Variants in ABI3BP observed in about 807,000 individuals in gnomAD.
ABI3BP encodes the protein ABI family member 3 binding protein.
ABI3BP carries 216 observed loss-of-function variants against 268.6 expected under a neutral mutation model. That is an observed-to-expected ratio of 0.80 (90% CI 0.72 to 0.90). The LOEUF is 0.90. Among genes scored for constraint, ABI3BP ranks in the 40% least tolerant of loss-of-function variants. The pLI, the probability that ABI3BP is intolerant of heterozygous loss-of-function variation, is 0.00. For synonymous variants in ABI3BP, 730 were observed against 730.0 expected (o/e 1.00, Z 0.00); for missense variants, 2,090 against 2,182.4 (o/e 0.96, Z 0.84).
intron 61 of ABI3BP, among the ~76,000 whole-genome samples, chr3:100,773,205 A>T (rs540407549): frequency 6.6e-6 from 1 of 152,310 alleles, no homozygotes; most frequent in East Asian, 1.9e-4. Context: ...ACACACTGGG[A>T]AAAAATATTT....
intron 1 of ABI3BP, among the ~76,000 whole-genome samples, chr3:100,987,673 A>G (rs1376996724): frequency 6.6e-6 from 1 of 152,222 alleles, no homozygotes; most frequent in Non-Finnish European, 1.5e-5. Context: ...TTAACAGTCA[A>G]TTAAAGATTA....
chr3:100,869,459 C>T (rs1165211953), intron 9 of ABI3BP, among the ~76,000 whole-genome samples: 1 of 150,002 alleles, frequency 6.7e-6, no homozygotes, highest in Non-Finnish European at 1.5e-5. Context: ...AAACAATTCT[C>T]CTGCTTCTGC....
chr3:100,912,043 G>A, intron 2 of ABI3BP: 1 of 744,886 alleles, frequency 1.3e-6, no homozygotes, highest in Non-Finnish European at 2.5e-6. Flanking sequence ...ATCCATTTGG[G>A]AATCAGTAAT....
At chr3:100,806,130 A>T (rs1302961429) in intron 50 of ABI3BP, among the ~76,000 whole-genome samples, 1 of 152,122 alleles carries the variant, frequency 6.6e-6, no homozygotes, top group Non-Finnish European at 1.5e-5. Flanking sequence ...TGAATGCCAA[A>T]CATAGATTTA....
At position 100,830,749 on chromosome 3, in the gene ABI3BP, T is replaced by C. The variant is rs554095439; in HGVS notation, c.2402-115A>G. The C allele has an allele frequency of 5.2e-6, 4 of 773,926 alleles. No individual in the cohort carries two copies. The East Asian group carries it at 1.1e-4, about 21-fold the overall frequency. 47.9% of individuals were successfully genotyped at this position (773,926 alleles called of 1,614,324 possible). A position where few individuals can be genotyped will look rare whatever the true frequency, so the allele number is the denominator to read the frequency against. On this transcript the variant is annotated intron_variant, in intron 31 of 67. Coordinates refer to ENST00000471714, the MANE Select transcript of ABI3BP (RefSeq NM_001375547.2). ...AAGGCTGCAAAATTAATTCTTAATA[T>C]CATAACTCAAAAGAAAGTGGCTGTA...
chr3:100,975,405 G>T (rs924584983), intron 1 of ABI3BP, among the ~76,000 whole-genome samples: 1 of 152,094 alleles, frequency 6.6e-6, no homozygotes, highest in Non-Finnish European at 1.5e-5. Flanking sequence ...TAGCTGCCTT[G>T]GGGGAGATGG....
chr3:100,935,579 T>C (rs1456808782), intron 1 of ABI3BP, among the ~76,000 whole-genome samples: 1 of 152,148 alleles, frequency 6.6e-6, no homozygotes, highest in Admixed American at 6.6e-5. Context: ...AGTATGGCCA[T>C]TTTCACGATA....
chr3:100,836,810 C>A (rs534234585), intron 27 of ABI3BP, among the ~76,000 whole-genome samples: 1 of 152,148 alleles, frequency 6.6e-6, no homozygotes, highest in East Asian at 1.9e-4. Flanking sequence ...ATAAATTGTA[C>A]CCACAAAGAA....
chr3:100,763,104 C>A (rs749893369), intron 63 of ABI3BP, among the ~76,000 whole-genome samples: 2 of 152,112 alleles, frequency 1.3e-5, no homozygotes, highest in Non-Finnish European at 2.9e-5. Flanking sequence ...TGGTAAAATT[C>A]GGCATGGGAT....
intron 1 of ABI3BP, among the ~76,000 whole-genome samples, chr3:100,941,285 A>G (rs1167876022): frequency 6.6e-6 from 1 of 151,984 alleles, no homozygotes; most frequent in Non-Finnish European, 1.5e-5. Flanking sequence ...CACACGCAAC[A>G]TGTGTTCTCA....
chr3:100,788,902 A>G (rs2097124299), intron 56 of ABI3BP, among the ~76,000 whole-genome samples: 1 of 152,064 alleles, frequency 6.6e-6, no homozygotes, highest in Non-Finnish European at 1.5e-5. Context: ...AACTAGATCA[A>G]CCCCTGCAAG....
At position 100,834,624 on chromosome 3, in the gene ABI3BP, G is replaced by T. The variant is rs2098547546; in HGVS notation, c.2281+60C>A. ...GGGTTATAAAGTGGCATGTTAAACTGCCACCCCCATGCCACATCCAATGGG... is the reference window on the plus strand; with the variant it reads ...GGGTTATAAAGTGGCATGTTAAACTTCCACCCCCATGCCACATCCAATGGG... On this transcript the variant is annotated intron_variant, in intron 29 of 67. Transcript: ENST00000471714. 2.0e-6 allele frequency: 3 copies of T among 1,476,382 alleles called. No individual in the cohort carries two copies. The South Asian group carries it at 3.6e-5, about 18-fold the overall frequency. The allele number at this position is 1,476,382 out of a possible 1,614,324, so 91.5% of individuals were successfully genotyped here.
intron 16 of ABI3BP, 47 bp from the exon 17 acceptor site, chr3:100,850,166 GA>G (rs1431562584): frequency 1.3e-6 from 2 of 1,535,508 alleles, no homozygotes; most frequent in South Asian, 2.4e-5. Flanking sequence ...CAGTTAAAAT[GA>G]GGTATTTGAA....
intron 40 of ABI3BP, 94 bp downstream of exon 40, chr3:100,820,126 T>A: frequency 9.1e-7 from 1 of 1,097,620 alleles, no homozygotes; most frequent in Non-Finnish European, 1.3e-6. Context: ...ATCCACATGG[T>A]ACTCACACAG....
intron 56 of ABI3BP, among the ~76,000 whole-genome samples, chr3:100,788,758 A>T (rs2151977532): frequency 6.6e-6 from 1 of 152,224 alleles, no homozygotes; most frequent in East Asian, 1.9e-4. Flanking sequence ...ATAAAGATGC[A>T]TTCCCCGAGA....
At position 100,886,316 on chromosome 3, in the gene ABI3BP, T is replaced by TTG. The variant is rs1359727438; in HGVS notation, c.468_469insCA (p.Thr157GlnfsTer29). 3.8e-6 allele frequency: 6 copies of TTG among 1,586,602 alleles called. No homozygotes were observed. The highest frequency in any genetic ancestry group is 2.7e-5 in the African/African-American group (2 of 73,866). ...TTATCCTTTTCTCGATAGCGAATTG[T>TTG]ATAAAATCTGTTGAATAACCAGAAT... On this transcript the variant is annotated frameshift_variant, in exon 5 of 68. Coordinates refer to ENST00000471714, the MANE Select transcript of ABI3BP (RefSeq NM_001375547.2). LOFTEE classifies it high-confidence loss of function.
At chr3:100,983,240 A>G (rs1319309072) in intron 1 of ABI3BP, among the ~76,000 whole-genome samples, 1 of 152,246 alleles carries the variant, frequency 6.6e-6, no homozygotes, top group Non-Finnish European at 1.5e-5. Flanking sequence ...AACTTCCATT[A>G]CATTAGAGAA....
chr3:100,816,897 T>G, intron 42 of ABI3BP, 129 bp from the exon 43 acceptor site: 1 of 667,342 alleles, frequency 1.5e-6, no homozygotes, highest in Non-Finnish European at 2.5e-6. Context: ...TATTTTCTAT[T>G]TTGTTAATTT....
chr3:100,882,460 ATTTT>A (rs537647839), intron 6 of ABI3BP, among the ~76,000 whole-genome samples: 1 of 148,650 alleles, frequency 6.7e-6, no homozygotes, highest in Non-Finnish European at 1.5e-5. Context: ...ATATATATAT[ATTTT>A]TTTTGCTGTC....
Sources: allele counts gnomAD v4.1 joint callset (sites outside exome capture counted in the v4.1 genomes callset), GRCh38; gene constraint gnomAD v4.1.1; transcripts MANE v1.5; gene names NCBI Gene and HGNC (gene_info 2026-07-23, HGNC 2026-07-21).